Variants in SYNE2 observed in about 807,000 individuals in gnomAD.
SYNE2 encodes spectrin repeat containing nuclear envelope protein 2.
Under a neutral mutation model 856.3 loss-of-function variants are expected in SYNE2, and 431 were observed. That is an observed-to-expected ratio of 0.50 (90% CI 0.47 to 0.55). SYNE2 has a LOEUF of 0.55. Ranked by LOEUF, SYNE2 falls within the 20% of genes least tolerant of loss-of-function variation. SYNE2 has a pLI of 0.00. For missense variants in SYNE2, 8,129 were observed against 8,023.2 expected (o/e 1.01, Z -0.50); for synonymous variants, 2,923 against 2,872.3 (o/e 1.02, Z -0.56).
At chr14:63,982,488 C>T (rs1594647043) in intron 16 of SYNE2, 142 bp from the exon 17 acceptor site, 3 of 776,328 alleles carry the variant, frequency 3.9e-6, no homozygotes, top group African/African-American at 3.8e-5. Flanking sequence ...CCACTGCACT[C>T]CAGCCTGGGC....
At position 64,120,968 on chromosome 14, in the gene SYNE2, A is replaced by G. The variant is rs7147884; in HGVS notation, c.13065A>G (p.Gln4355=). ...ILKKSSEPEH[Q]EALQPVNLSE... ...AGAAATCCTCAGAGCCAGAGCATCA[A>G]GAAGCTCTCCAACCAGTTAACCTTT... is the stretch of plus-strand genomic sequence containing the variant. Residue 4355 remains glutamine, a synonymous_variant, in exon 68 of 116, where the codon CAA becomes CAG. Coordinates refer to ENST00000555002, the MANE Select transcript of SYNE2 (RefSeq NM_182914.3). 5.0e-4 allele frequency: 808 copies of G among 1,614,058 alleles called. 1 individual carries two copies. Among genetic ancestry groups the G allele is most frequent in the Non-Finnish European group, 6.4e-4 (753 of 1,179,870 alleles).
chr14:63,768,198 A>T (rs1469470029), intron 1 of SYNE2, among the ~76,000 whole-genome samples: 1 of 152,160 alleles, frequency 6.6e-6, no homozygotes, highest in Non-Finnish European at 1.5e-5. Context: ...TCAAAAAAAA[A>T]AAAATTGTAT....
At chr14:63,813,587 GT>G (rs1245589814) in intron 1 of SYNE2, among the ~76,000 whole-genome samples, 1 of 151,200 alleles carries the variant, frequency 6.6e-6, no homozygotes, top group Non-Finnish European at 1.5e-5. Context: ...GAGGTCAGGA[GT>G]TCAAGACTAG....
At position 63,949,854 on chromosome 14, in the gene SYNE2, C is replaced by G. The variant is rs765943821; in HGVS notation, c.438C>G (p.Cys146Trp). 3.7e-6 allele frequency: 6 copies of G among 1,614,154 alleles called. No individual in the cohort carries two copies. The highest frequency in any genetic ancestry group is 5.1e-6 in the Non-Finnish European group (6 of 1,180,014). Residue 146 changes from cysteine (C) to tryptophan (W), a missense_variant, in exon 7 of 116, where the codon TGC becomes TGG. Physicochemically the swap from Cys to Trp is radical, Grantham distance 215. Coordinates refer to ENST00000555002, the MANE Select transcript of SYNE2 (RefSeq NM_182914.3). The stretch of plus-strand genomic sequence containing the variant: ...AGAAGCTTGCCCAGACTCTTTCTTG[C>G]AATTACAATCAGCCTTCCCTGGATG... ...HIEKLAQTLSCNYNQPSLDDV... is the reference protein window; with the variant it reads ...HIEKLAQTLSWNYNQPSLDDV...
chr14:63,985,585 A>G (rs2096619354), intron 18 of SYNE2, among the ~76,000 whole-genome samples: 1 of 152,164 alleles, frequency 6.6e-6, no homozygotes, highest in East Asian at 1.9e-4. Flanking sequence ...GTTTATAGTC[A>G]CCCTAATTTA....
intron 45 of SYNE2, among the ~76,000 whole-genome samples, chr14:64,032,150 G>T (rs1378036548): frequency 3.3e-5 from 5 of 152,160 alleles, no homozygotes; most frequent in African/African-American, 9.7e-5. Flanking sequence ...CCGTAGAATA[G>T]AAATGCATGG....
At chr14:64,216,100 T>C in intron 107 of SYNE2, 148 bp from the exon 108 acceptor site, 1 of 1,533,486 alleles carries the variant, frequency 6.5e-7, no homozygotes, top group South Asian at 1.2e-5. Flanking sequence ...CATCTCATTC[T>C]CTTCTGGGAC....
intron 2 of SYNE2, among the ~76,000 whole-genome samples, chr14:63,930,945 CAG>C (rs902674432): frequency 6.6e-6 from 1 of 152,114 alleles, no homozygotes; most frequent in Non-Finnish European, 1.5e-5. Context: ...CCAAGTCAAA[CAG>C]AAATTTGGGT....
rs1872705130 is a variant in SYNE2 at position 64,162,141 on chromosome 14, G to A, written c.16164G>A (p.Lys5388=). The A allele has an allele frequency of 1.2e-6, 2 of 1,614,238 alleles. No individual in the cohort carries two copies. The highest frequency in any genetic ancestry group is 1.7e-6 in the Non-Finnish European group (2 of 1,180,036). The change falls in exon 88 of 116, where the codon AAG becomes AAA. Residue 5388 remains lysine, a synonymous_variant. Transcript: ENST00000555002. ...QKAQSLLQLW[K]AYSNAHGEAA... ...CCCAGAGTCTGCTCCAGCTCTGGAA[G>A]GCCTATAGCAATGCTCATGGTGAAG... is the stretch of plus-strand genomic sequence containing the variant.
chr14:64,031,747 G>A (rs1210655589), intron 45 of SYNE2, among the ~76,000 whole-genome samples: 8 of 152,220 alleles, frequency 5.3e-5, no homozygotes, highest in Admixed American at 2.0e-4. Context: ...TAAAATCAGA[G>A]ACTGTCGGAA....
At chr14:64,119,294 G>A in intron 66 of SYNE2, 133 bp from the exon 67 acceptor site, 1 of 1,200,146 alleles carries the variant, frequency 8.3e-7, no homozygotes, top group Non-Finnish European at 1.2e-6. Flanking sequence ...TGTTTTTCCA[G>A]GGTTTCTTCC....
chr14:64,141,134 A>G (rs2098135969), intron 80 of SYNE2, among the ~76,000 whole-genome samples: 1 of 152,150 alleles, frequency 6.6e-6, no homozygotes, highest in African/African-American at 2.4e-5. Flanking sequence ...ACTGGGTGAT[A>G]AGCTTCTTGA....
At chr14:64,138,200 TTTTTCTTTTCTTTTC>T (rs150940325) in intron 79 of SYNE2, among the ~76,000 whole-genome samples, 2 of 151,646 alleles carry the variant, frequency 1.3e-5, no homozygotes, top group African/African-American at 2.4e-5. Flanking sequence ...CTGTGATCGT[TTTTTCTTTTCTTTTC>T]TTTTCTTTTC....
chr14:64,159,428 A>G lies in SYNE2; in HGVS notation c.16080A>G (p.Gln5360=). Reference sequence around the variant, plus strand: ...CTGAAATAATCGAAGAGAAATGCCAAAATACTCATAAAAGGTATGCTTTCA... The same window carrying G: ...CTGAAATAATCGAAGAGAAATGCCAGAATACTCATAAAAGGTATGCTTTCA... ...SVAEIIEEKC[Q]NTHKRWTQVN... is the part of the protein sequence containing the mutation. Residue 5360 remains glutamine, a synonymous_variant, in exon 87 of 116, where the codon CAA becomes CAG. Transcript: ENST00000555002. The G allele has an allele frequency of 3.1e-6, 5 of 1,613,782 alleles. No homozygotes were observed. The highest frequency in any genetic ancestry group is 4.2e-6 in the Non-Finnish European group (5 of 1,179,776).
intron 1 of SYNE2, among the ~76,000 whole-genome samples, chr14:63,889,665 A>G (rs1267039765): frequency 1.3e-5 from 2 of 151,890 alleles, no homozygotes; most frequent in African/African-American, 4.8e-5. Context: ...TTTTGTAGAG[A>G]GAGGGTCTCC....
chr14:63,785,679 G>A (rs1036999735), intron 1 of SYNE2, among the ~76,000 whole-genome samples: 1 of 152,172 alleles, frequency 6.6e-6, no homozygotes, highest in African/African-American at 2.4e-5. Context: ...ACAAGATTCT[G>A]TACTATCTTT....
At chr14:63,778,456 A>C (rs1887188446) in intron 1 of SYNE2, among the ~76,000 whole-genome samples, 1 of 152,214 alleles carries the variant, frequency 6.6e-6, no homozygotes, top group Admixed American at 6.5e-5. Context: ...ATGTGAAAAC[A>C]TCATGTTGTA....
intron 2 of SYNE2, among the ~76,000 whole-genome samples, chr14:63,911,138 C>T (rs980959301): frequency 2.0e-5 from 3 of 152,124 alleles, no homozygotes; most frequent in Non-Finnish European, 4.4e-5. Context: ...CCCCATGGTT[C>T]CTTAAGGGGC....
intron 21 of SYNE2, among the ~76,000 whole-genome samples, chr14:63,992,549 G>A (rs2096675762): frequency 6.6e-6 from 1 of 152,172 alleles, no homozygotes; most frequent in Admixed American, 6.5e-5. Context: ...CCAAAGTGCT[G>A]GGATTATGGA....
Sources: allele counts gnomAD v4.1 joint callset (sites outside exome capture counted in the v4.1 genomes callset), GRCh38; gene constraint gnomAD v4.1.1; transcripts MANE v1.5; gene names NCBI Gene and HGNC (gene_info 2026-07-23, HGNC 2026-07-21).